GCNT1: variants seen among roughly 807,000 people sequenced by gnomAD.
The protein encoded by GCNT1 is glucosaminyl (N-acetyl) transferase 1.
In GCNT1, 16 loss-of-function variants were observed where a neutral mutation model predicts 26.2. The observed-to-expected ratio is 0.61, with a 90% CI of 0.41 to 0.93. The LOEUF is 0.93. GCNT1 is among the 40% of genes least tolerant of loss of function. The pLI is 0.00. For synonymous variants in GCNT1, 183 were observed against 190.8 expected, an observed-to-expected ratio of 0.96 and a Z score of 0.34; for missense variants, 477 against 526.7, an observed-to-expected ratio of 0.91 and a Z score of 0.92.
intron 2 of GCNT1, among the ~76,000 whole-genome samples, chr9:76,469,713 C>T (rs140976246): frequency 1.4e-3 from 210 of 152,310 alleles, no homozygotes; most frequent in African/African-American, 5.0e-3. Context: ...CGCCCATTGC[C>T]GCTCCCGATC....
chr9:76,464,505 C>T (rs1031979907), intron 2 of GCNT1, among the ~76,000 whole-genome samples: 1 of 152,152 alleles, frequency 6.6e-6, no homozygotes, highest in African/African-American at 2.4e-5. Flanking sequence ...GTGTAAGCCA[C>T]CATCCCTGGC....
chr9:76,429,187 T>A (rs1018215186), intron 1 of GCNT1, among the ~76,000 whole-genome samples: 1 of 152,188 alleles, frequency 6.6e-6, no homozygotes, highest in Non-Finnish European at 1.5e-5. Context: ...CACTATAATA[T>A]ACATTTCTTC....
At chr9:76,462,509 A>C (rs756807829) in intron 2 of GCNT1, among the ~76,000 whole-genome samples, 1 of 152,154 alleles carries the variant, frequency 6.6e-6, no homozygotes, top group Non-Finnish European at 1.5e-5. Context: ...GCCTCTACCT[A>C]CTAAATGCCA....
chr9:76,399,047 C>T, the GCNT1 span: 63 of 1,595,776 alleles, frequency 3.9e-5, no homozygotes, highest in Non-Finnish European at 4.8e-5. Flanking sequence ...GGCAGCCTTC[C>T]GGGAGCCATG....
At chr9:76,484,390 GAA>G (rs1824509850) in intron 2 of GCNT1, among the ~76,000 whole-genome samples, 1 of 151,480 alleles carries the variant, frequency 6.6e-6, no homozygotes. Flanking sequence ...AAAAGAGAGA[GAA>G]AGCAAAAAAC....
At chr9:76,496,465 C>T (rs188806016) in intron 2 of GCNT1, among the ~76,000 whole-genome samples, 6 of 152,256 alleles carry the variant, frequency 3.9e-5, no homozygotes, top group Non-Finnish European at 7.4e-5. Flanking sequence ...TTCCTCTCGT[C>T]CATCTGCTTT....
chr9:76,475,115 C>T (rs1824223804), intron 2 of GCNT1, among the ~76,000 whole-genome samples: 1 of 152,270 alleles, frequency 6.6e-6, no homozygotes, highest in East Asian at 1.9e-4. Context: ...TCTTTGAATA[C>T]CACATCATCT....
In GCNT1 at chr9:76,449,431, GAC is replaced by G. The variant is rs1235720118; in HGVS notation, c.-290+7120_-290+7121del. Among the ~76,000 whole-genome samples the G allele has an allele frequency of 3.3e-5, 5 of 152,308 alleles. No individual in the cohort carries two copies. In the South Asian group the frequency reaches 6.2e-4, roughly 19 times the overall value. ...AGCTAAAGGCAACTGAGAAACAGCA[GAC>G]ACAAGCAAAACTCTTTGCCCTCTCT... On this transcript the variant is annotated intron_variant, in intron 1 of 2. Transcript: ENST00000442371.
chr9:76,484,786 CT>C (rs33956720), intron 2 of GCNT1, among the ~76,000 whole-genome samples: 2,492 of 126,142 alleles, frequency 0.02, 45 homozygotes, highest in African/African-American at 0.056. Flanking sequence ...ACCATGATTG[CT>C]TTTTTTTTTT....
At chr9:76,494,072 C>T (rs966807005) in intron 2 of GCNT1, among the ~76,000 whole-genome samples, 2 of 151,932 alleles carry the variant, frequency 1.3e-5, no homozygotes, top group African/African-American at 2.4e-5. Flanking sequence ...GTTTGTTCCC[C>T]GCCCCCCACC....
intron 2 of GCNT1, among the ~76,000 whole-genome samples, chr9:76,462,708 C>T (rs757942984): frequency 6.6e-6 from 1 of 152,192 alleles, no homozygotes; most frequent in African/African-American, 2.4e-5. Flanking sequence ...ACTAGAGAAG[C>T]TATTTGTAAA....
At chr9:76,466,505 G>T (rs1362529528) in intron 2 of GCNT1, among the ~76,000 whole-genome samples, 1 of 152,154 alleles carries the variant, frequency 6.6e-6, no homozygotes, top group East Asian at 1.9e-4. Flanking sequence ...CACCATCTGT[G>T]TTGTCCAGGC....
At chr9:76,424,074 C>CTT (rs1446883845) in intron 1 of GCNT1, among the ~76,000 whole-genome samples, 1 of 152,296 alleles carries the variant, frequency 6.6e-6, no homozygotes, top group African/African-American at 2.4e-5. Context: ...ATTTTCTGAA[C>CTT]TGTGATGTTG....
At chr9:76,481,017 T>G (rs1824408215) in intron 2 of GCNT1, among the ~76,000 whole-genome samples, 1 of 151,840 alleles carries the variant, frequency 6.6e-6, no homozygotes, top group African/African-American at 2.4e-5. Context: ...GGTGGGAGGA[T>G]TGCTTGAGGC....
intron 2 of GCNT1, among the ~76,000 whole-genome samples, chr9:76,471,430 T>C (rs776077271): frequency 6.6e-6 from 1 of 152,164 alleles, no homozygotes; most frequent in Non-Finnish European, 1.5e-5. Flanking sequence ...CTCCCAGGAA[T>C]GTGCTCCTGC....
At position 76,506,793 on chromosome 9, in the gene GCNT1, A is replaced by G. The variant is rs1825249782; in HGVS notation, c.*3125A>G. On this transcript the variant is annotated 3_prime_UTR_variant, in exon 4 of 4. Coordinates refer to ENST00000376730, the MANE Select transcript of GCNT1 (RefSeq NM_001490.5). Reference sequence around the variant, plus strand: ...TTATTAAGTACAGTTCACTTAAATAACATAAGTAGATTTTCTCTTGTAGTG... The same window carrying G: ...TTATTAAGTACAGTTCACTTAAATAGCATAAGTAGATTTTCTCTTGTAGTG... 1 of 167,070 alleles carries G rather than the reference A, an allele frequency of 6.0e-6. No homozygotes were observed. Among genetic ancestry groups the G allele is most frequent in the African/African-American group, 2.4e-5 (1 of 41,458 alleles). 10.3% of individuals were successfully genotyped at this position (167,070 alleles called of 1,614,324 possible).
chr9:76,491,736 C>G (rs2093839), intron 2 of GCNT1, among the ~76,000 whole-genome samples: 32,046 of 152,154 alleles, frequency 0.21, 3,591 homozygotes, highest in South Asian at 0.26. Context: ...CAGCATAAGT[C>G]TGGACAATAA....
intron 1 of GCNT1, chr9:76,420,676 G>A (rs7849239): frequency 0.3 from 45,116 of 151,888 alleles, 6,897 homozygotes; most frequent in East Asian, 0.38. Context: ...GCTCACACCT[G>A]TAATCCCAGC....
At chr9:76,421,273 C>T (rs1357423206) in intron 1 of GCNT1, among the ~76,000 whole-genome samples, 1 of 152,080 alleles carries the variant, frequency 6.6e-6, no homozygotes, top group Non-Finnish European at 1.5e-5. Context: ...GTTAGATTTT[C>T]CTGGACAATG....
Sources: allele counts gnomAD v4.1 joint callset (sites outside exome capture counted in the v4.1 genomes callset), GRCh38; gene constraint gnomAD v4.1.1; transcripts MANE v1.5; gene names NCBI Gene and HGNC (gene_info 2026-07-23, HGNC 2026-07-21).